Variants in OTOGL observed in about 807,000 individuals in gnomAD.
OTOGL encodes the protein otogelin-like protein.
A neutral mutation model predicts 318.5 loss-of-function variants in OTOGL; 285 were observed. The observed-to-expected ratio is 0.89, with a 90% CI of 0.81 to 0.99. The LOEUF (loss-of-function observed/expected upper bound fraction) is 0.99, where lower values mean the gene tolerates loss of function less well. Among genes scored for constraint, OTOGL ranks in the 50% least tolerant of loss-of-function variants. OTOGL has a pLI of 0.00. For missense variants in OTOGL, 2,899 were observed against 2,845.6 expected, an observed-to-expected ratio of 1.02 and a Z score of -0.43; for synonymous variants, 987 against 936.5, an observed-to-expected ratio of 1.05 and a Z score of -0.99.
chr12:80,308,303 A>G (rs1451241582), intron 29 of OTOGL, among the ~76,000 whole-genome samples: 6 of 148,954 alleles, frequency 4.0e-5, no homozygotes, highest in African/African-American at 1.5e-4. Context: ...GGCGGTTGCC[A>G]GGCAGAGGGT....
chr12:80,103,177 C>T (rs1018964960), intron 1 of OTOGL: 44 of 1,351,000 alleles, frequency 3.3e-5, no homozygotes, highest in Non-Finnish European at 4.0e-5. Flanking sequence ...TGAACTTCAT[C>T]GTCCTTTCGG....
rs778783271 is a variant in OTOGL, at chr12:80,356,858, A to G, written c.5963A>G (p.Asp1988Gly). 1 of 1,600,594 alleles carries G rather than the reference A, an allele frequency of 6.2e-7. No homozygotes were observed. The highest frequency in any genetic ancestry group is 8.5e-7 in the Non-Finnish European group (1 of 1,173,300). ...ATTTCAACACCAGAATGCAGAGAAG[A>G]TCAATTCATGATTCAAGTTCGACAG... ...PSISTPECREDQFMIQVRQEE... is the reference protein window; with the variant it reads ...PSISTPECREGQFMIQVRQEE... The change falls in exon 49 of 59, where the codon GAT becomes GGT. Residue 1988 changes from aspartate (D) to glycine (G), a missense_variant. Around this residue, in one of 3 missense-constraint regions of OTOGL, gnomAD observed 2,607 missense variants for 2,524.9 expected, o/e 1.03. Coordinates refer to ENST00000547103, the MANE Select transcript of OTOGL (RefSeq NM_001378609.3).
intron 1 of OTOGL, among the ~76,000 whole-genome samples, chr12:80,206,964 C>G (rs1181902980): frequency 1.3e-5 from 2 of 152,108 alleles, no homozygotes; most frequent in Admixed American, 1.3e-4. Flanking sequence ...TTTAAAGATA[C>G]TATATGAAAC....
rs750104511 is a variant in OTOGL, at chr12:80,320,314, T to C, written c.3803-108T>C. ...ATCTTAGTTATTGGCACTAATTATG[T>C]TTGGCAATTGTGCAGTACTATTTTG... is the stretch of plus-strand genomic sequence containing the variant. On this transcript the variant is annotated intron_variant, in intron 33 of 58. Transcript: ENST00000547103. The C allele has an allele frequency of 1.5e-3, 1,585 of 1,026,436 alleles. 2 individuals are homozygous for C. Among genetic ancestry groups the C allele is most frequent in the Non-Finnish European group, 1.8e-3 (1,359 of 743,172 alleles). 63.6% of individuals were successfully genotyped at this position (1,026,436 alleles called of 1,614,324 possible). A position where few individuals can be genotyped will look rare whatever the true frequency, so the allele number is the denominator to read the frequency against.
At chr12:80,331,100 T>C (rs1048386062) in intron 37 of OTOGL, among the ~76,000 whole-genome samples, 6 of 152,132 alleles carry the variant, frequency 3.9e-5, no homozygotes, top group African/African-American at 1.4e-4. Context: ...CAGAAATTGA[T>C]AAGTTAACCC....
intron 26 of OTOGL, among the ~76,000 whole-genome samples, chr12:80,295,096 C>G (rs12310508): frequency 6.8e-6 from 1 of 147,840 alleles, no homozygotes; most frequent in Non-Finnish European, 1.5e-5. Context: ...AAGACCCCAT[C>G]TGAAAAACAA....
At chr12:80,287,798 C>A (rs1002813540) in intron 26 of OTOGL, among the ~76,000 whole-genome samples, 1 of 152,110 alleles carries the variant, frequency 6.6e-6, no homozygotes, top group Non-Finnish European at 1.5e-5. Flanking sequence ...TGTCTTTACA[C>A]ATGAGATGGG....
chr12:80,128,201 T>G (rs892987716), intron 1 of OTOGL, among the ~76,000 whole-genome samples: 1 of 152,200 alleles, frequency 6.6e-6, no homozygotes, highest in African/African-American at 2.4e-5. Flanking sequence ...ATGATGGTGA[T>G]GTACAGATGG....
chr12:80,122,418 C>T (rs1247088718), intron 1 of OTOGL, among the ~76,000 whole-genome samples: 1 of 152,034 alleles, frequency 6.6e-6, no homozygotes, highest in East Asian at 1.9e-4. Context: ...ATGAGACTAG[C>T]AGTCAGGGAA....
At chr12:80,295,839 A>G (rs917513611) in intron 26 of OTOGL, among the ~76,000 whole-genome samples, 4 of 152,232 alleles carry the variant, frequency 2.6e-5, no homozygotes, top group Non-Finnish European at 5.9e-5. Context: ...TATCTCATAA[A>G]TATATGCAAT....
intron 45 of OTOGL, among the ~76,000 whole-genome samples, chr12:80,352,769 T>C (rs538526580): frequency 1.7e-4 from 26 of 152,360 alleles, no homozygotes; most frequent in Non-Finnish European, 3.5e-4. Context: ...TTATACCATT[T>C]ATAACCCCAC....
intron 1 of OTOGL, among the ~76,000 whole-genome samples, chr12:80,160,521 A>G (rs569189116): frequency 6.6e-6 from 1 of 152,292 alleles, no homozygotes; most frequent in South Asian, 2.1e-4. Context: ...GCAAATCAAA[A>G]CCACAATGCA....
intron 29 of OTOGL, among the ~76,000 whole-genome samples, chr12:80,306,427 C>A (rs1377466663): frequency 6.6e-6 from 1 of 152,066 alleles, no homozygotes; most frequent in African/African-American, 2.4e-5. Flanking sequence ...TTCTTTTTAG[C>A]CTGTTGTTCT....
At position 80,368,233 on chromosome 12, in the gene OTOGL, A is replaced by AT. The variant is rs1352236959; in HGVS notation, c.6541dup (p.Tyr2181LeufsTer38). The AT allele has an allele frequency of 1.2e-6, 2 of 1,603,386 alleles. No homozygotes were observed. Among genetic ancestry groups the AT allele is most frequent in the African/African-American group, 1.3e-5 (1 of 74,752 alleles). ...CAGGTATATACTCCATCCCCAAGTGATTATGGTTGTTGTGGTACCTGCAAA... is the reference window on the plus strand; with the variant it reads ...CAGGTATATACTCCATCCCCAAGTGATTTATGGTTGTTGTGGTACCTGCAAA... On this transcript the variant is annotated frameshift_variant, in exon 55 of 59. Coordinates refer to ENST00000547103, the MANE Select transcript of OTOGL (RefSeq NM_001378609.3). LOFTEE classifies it high-confidence loss of function.
At chr12:80,194,711 A>G (rs1293658126) in intron 1 of OTOGL, among the ~76,000 whole-genome samples, 2 of 152,128 alleles carry the variant, frequency 1.3e-5, no homozygotes, top group African/African-American at 2.4e-5. Context: ...ACTTACATTT[A>G]TTTTTTCTGA....
chr12:80,302,514 T>A, intron 27 of OTOGL, 120 bp from the exon 28 acceptor site: 1 of 612,410 alleles, frequency 1.6e-6, no homozygotes, highest in Non-Finnish European at 2.4e-6. Flanking sequence ...AGAAAAGGCA[T>A]GACCATGCAA....
chr12:80,180,151 G>A (rs2137237501), intron 1 of OTOGL, among the ~76,000 whole-genome samples: 1 of 149,024 alleles, frequency 6.7e-6, no homozygotes, highest in African/African-American at 2.4e-5. Flanking sequence ...TGGATATGGA[G>A]GGTCATAGGC....
intron 32 of OTOGL, among the ~76,000 whole-genome samples, chr12:80,317,595 C>T (rs1199496125): frequency 1.3e-5 from 2 of 152,102 alleles, no homozygotes; most frequent in Non-Finnish European, 2.9e-5. Flanking sequence ...TTATAATTCA[C>T]TTATTATTTG....
At chr12:80,287,382 G>A (rs758401983) in intron 26 of OTOGL, among the ~76,000 whole-genome samples, 1 of 151,706 alleles carries the variant, frequency 6.6e-6, no homozygotes, top group Non-Finnish European at 1.5e-5. Flanking sequence ...TGTTGATTTG[G>A]GGTGGAGAGT....
Sources: allele counts gnomAD v4.1 joint callset (sites outside exome capture counted in the v4.1 genomes callset), GRCh38; gene constraint gnomAD v4.1.1; regional missense constraint gnomAD v4.1.1; transcripts MANE v1.5; gene names NCBI Gene and HGNC (gene_info 2026-07-23, HGNC 2026-07-21).